NAALADL2: variants seen among roughly 807,000 people sequenced by gnomAD.
NAALADL2 encodes N-acetylated alpha-linked acidic dipeptidase like 2, also known as inactive N-acetylated-alpha-linked acidic dipeptidase-like protein 2.
Under a neutral mutation model 87.2 loss-of-function variants are expected in NAALADL2, and 76 were observed. The ratio of observed to expected loss-of-function variants is 0.87; its 90% CI spans 0.72 to 1.05. NAALADL2 has a LOEUF of 1.05. Among genes scored for constraint, NAALADL2 ranks in the 50% least tolerant of loss-of-function variants. The pLI, the probability that NAALADL2 is intolerant of heterozygous loss-of-function variation, is 0.00. For missense variants in NAALADL2, 1,089 were observed against 945.8 expected, an observed-to-expected ratio of 1.15 and a Z score of -1.99; for synonymous variants, 354 against 331.0, an observed-to-expected ratio of 1.07 and a Z score of -0.75.
intron 2 of NAALADL2, among the ~76,000 whole-genome samples, chr3:174,719,306 A>G (rs1483539096): frequency 2.6e-5 from 4 of 152,178 alleles, no homozygotes; most frequent in African/African-American, 9.7e-5. Context: ...TTTTATGTGA[A>G]AAAAATATAG....
intron 1 of NAALADL2, among the ~76,000 whole-genome samples, chr3:175,034,214 G>C (rs1010682217): frequency 2.0e-5 from 3 of 152,036 alleles, no homozygotes; most frequent in Non-Finnish European, 4.4e-5. Flanking sequence ...TTGAAAGGAT[G>C]ACCTCATTTA....
intron 2 of NAALADL2, among the ~76,000 whole-genome samples, chr3:175,165,915 C>A (rs187230480): frequency 1.3e-5 from 2 of 152,110 alleles, no homozygotes; most frequent in Non-Finnish European, 2.9e-5. Flanking sequence ...TTGCTGATAT[C>A]TTTCTGTTTA....
chr3:175,543,667 G>T (rs1287643368), intron 9 of NAALADL2, among the ~76,000 whole-genome samples: 1 of 152,096 alleles, frequency 6.6e-6, no homozygotes, highest in Non-Finnish European at 1.5e-5. Context: ...CATGAGAACA[G>T]CATGGAGGTA....
intron 2 of NAALADL2, among the ~76,000 whole-genome samples, chr3:175,117,292 C>T (rs1361514173): frequency 1.3e-5 from 2 of 151,954 alleles, no homozygotes; most frequent in Non-Finnish European, 2.9e-5. Flanking sequence ...AGCTTCTGCA[C>T]AGCAAAAGAA....
At chr3:175,053,030 G>C (rs1755625923) in intron 1 of NAALADL2, among the ~76,000 whole-genome samples, 1 of 152,174 alleles carries the variant, frequency 6.6e-6, no homozygotes. Flanking sequence ...CAGCACCTCT[G>C]CCTGTTCTGC....
intron 5 of NAALADL2, among the ~76,000 whole-genome samples, chr3:175,440,076 G>A (rs1430293608): frequency 6.6e-6 from 1 of 152,114 alleles, no homozygotes; most frequent in Non-Finnish European, 1.5e-5. Flanking sequence ...GATGAGAGAT[G>A]AGAACCCAGT....
At chr3:174,783,243 G>T (rs1716208011) in intron 3 of NAALADL2, among the ~76,000 whole-genome samples, 1 of 152,122 alleles carries the variant, frequency 6.6e-6, no homozygotes, top group Admixed American at 6.6e-5. Context: ...CTCACTTGAG[G>T]GCCCTAGTGG....
At chr3:175,099,049 A>G (rs1177041813) in intron 2 of NAALADL2, among the ~76,000 whole-genome samples, 3 of 152,000 alleles carry the variant, frequency 2.0e-5, no homozygotes, top group Admixed American at 6.6e-5. Flanking sequence ...CATGCATTTT[A>G]TTTACAAACT....
At chr3:175,763,111 T>TAAATA (rs528831785) in intron 13 of NAALADL2, among the ~76,000 whole-genome samples, 1 of 150,974 alleles carries the variant, frequency 6.6e-6, no homozygotes, top group African/African-American at 2.4e-5. Context: ...AATAAATAAA[T>TAAATA]AGTAAATAAA....
rs140684268 is a variant in NAALADL2 at position 175,040,467 on chromosome 3, C to T, written c.44-56323C>T. ...TTCTAGCCTTGTGGTAGAAAACTTA[C>T]GGGGGCCGTTTCCATAAAGTGTCAG... On this transcript the variant is annotated intron_variant, in intron 1 of 13. Coordinates refer to ENST00000454872, the MANE Select transcript of NAALADL2 (RefSeq NM_207015.3). Among the ~76,000 whole-genome samples, 417 of 152,204 alleles carry T rather than the reference C, an allele frequency of 2.7e-3. 1 individual carries two copies. The highest frequency in any genetic ancestry group is 9.2e-3 in the African/African-American group (382 of 41,526).
rs149455110 is a variant in NAALADL2, at chr3:174,544,124, A to G, written c.-183-6445A>G. Among the ~76,000 whole-genome samples, 218 of 152,208 alleles carry G rather than the reference A, an allele frequency of 1.4e-3. 2 individuals are homozygous for G. The highest frequency in any genetic ancestry group is 0.01 in the Middle Eastern group (3 of 290). On this transcript the variant is annotated intron_variant, in intron 1 of 3. Coordinates refer to the NAALADL2 transcript ENST00000434257. The stretch of plus-strand genomic sequence containing the variant: ...ACCCCAATCCAGTCCTTCTTCTAAG[A>G]GGCAACCATTTCCAACTGTTCCAGT...
At chr3:175,109,211 C>A (rs893244970) in intron 2 of NAALADL2, among the ~76,000 whole-genome samples, 1 of 151,672 alleles carries the variant, frequency 6.6e-6, no homozygotes, top group African/African-American at 2.4e-5. Context: ...AAAGTAGACA[C>A]CTCAGCTTTC....
At chr3:175,119,926 A>G (rs1007280076) in intron 2 of NAALADL2, among the ~76,000 whole-genome samples, 1 of 142,842 alleles carries the variant, frequency 7.0e-6, no homozygotes. Context: ...AGCATGGAGG[A>G]TGAATTATAT....
intron 2 of NAALADL2, among the ~76,000 whole-genome samples, chr3:175,152,096 G>A (rs1463530): frequency 0.3 from 45,593 of 151,944 alleles, 7,066 homozygotes; most frequent in South Asian, 0.35. Context: ...AAGTTGGATC[G>A]TCATTGATTA....
intron 2 of NAALADL2, among the ~76,000 whole-genome samples, chr3:174,558,963 A>G (rs776080201): frequency 2.0e-5 from 3 of 152,146 alleles, no homozygotes; most frequent in Non-Finnish European, 4.4e-5. Flanking sequence ...TTCAAATCTG[A>G]TCAATTAGAA....
At position 174,480,462 on chromosome 3, in the gene NAALADL2, GT is replaced by G. The variant is rs541537129; in HGVS notation, c.-184+39437del. 1.8e-3 allele frequency among the ~76,000 whole-genome samples: 271 copies of G among 151,836 alleles called. 1 individual carries two copies. Among genetic ancestry groups the G allele is most frequent in the African/African-American group, 6.1e-3 (251 of 41,426 alleles). ...AAGGCTACTCTTTCTTCCTTTTTCT[GT>G]TTTTTTGGTGTCCCTGCCTTTATAG... is the stretch of plus-strand genomic sequence containing the variant. On this transcript the variant is annotated intron_variant, in intron 1 of 3. Transcript: ENST00000434257.
chr3:175,286,862 T>C lies in NAALADL2; in HGVS notation c.939+30332T>C, dbSNP rs140852118. Among the ~76,000 whole-genome samples the C allele has an allele frequency of 3.1e-3, 473 of 151,820 alleles. 2 individuals carry two copies. In the South Asian group the frequency reaches 0.033, roughly 11 times the overall value. ...ATTGCAGCCCTTTGGGAGGCCACAG[T>C]GGGAGAATGGCTCGAGGAGCTTGAG... On this transcript the variant is annotated intron_variant, in intron 4 of 13. Coordinates refer to ENST00000454872, the MANE Select transcript of NAALADL2 (RefSeq NM_207015.3).
At chr3:175,493,199 TTCCTC>T (rs972926764) in intron 9 of NAALADL2, among the ~76,000 whole-genome samples, 10 of 152,244 alleles carry the variant, frequency 6.6e-5, no homozygotes, top group African/African-American at 2.4e-4. Context: ...ATTTCACACT[TTCCTC>T]TATTTTCTGA....
intron 1 of NAALADL2, among the ~76,000 whole-genome samples, chr3:174,951,090 G>A (rs1354233292): frequency 6.6e-6 from 1 of 152,036 alleles, no homozygotes; most frequent in African/African-American, 2.4e-5. Flanking sequence ...TACATAAAAA[G>A]AGAATAATGC....
Sources: gnomAD v4.1 joint callset for allele counts (sites outside exome capture counted in the v4.1 genomes callset) on GRCh38, gnomAD v4.1.1 for gene constraint, MANE v1.5 for transcripts, NCBI Gene and HGNC (gene_info 2026-07-23, HGNC 2026-07-21) for gene names.